SGPP2: variants seen among roughly 807,000 people sequenced by gnomAD.
SGPP2 encodes sphingosine-1-phosphate phosphatase 2.
In SGPP2, 30 loss-of-function variants were observed where a neutral mutation model predicts 33.9. The observed-to-expected ratio is 0.89, with a 90% CI of 0.66 to 1.20. SGPP2 has a LOEUF of 1.20. Among genes scored for constraint, SGPP2 ranks in the 50% most tolerant of loss-of-function variants. The probability of loss-of-function intolerance (pLI) is 0.00; values close to 1 mark genes in which losing one functional copy is unlikely to be tolerated. For synonymous variants in SGPP2, 233 were observed against 225.0 expected, an observed-to-expected ratio of 1.04 and a Z score of -0.32; for missense variants, 458 against 532.1, an observed-to-expected ratio of 0.86 and a Z score of 1.37.
At chr2:222,501,556 G>T (rs1464263501) in intron 2 of SGPP2, among the ~76,000 whole-genome samples, 2 of 152,172 alleles carry the variant, frequency 1.3e-5, no homozygotes, top group African/African-American at 4.8e-5. Context: ...CGATGTTAAT[G>T]ATGTTGAGCC....
intron 2 of SGPP2, among the ~76,000 whole-genome samples, chr2:222,492,175 TCTC>T (rs1698207435): frequency 6.6e-6 from 1 of 152,132 alleles, no homozygotes; most frequent in Non-Finnish European, 1.5e-5. Context: ...GTAGCCCTCT[TCTC>T]CTAAACTCAC....
At position 222,452,342 on chromosome 2, in the gene SGPP2, G is replaced by C. The variant is rs1697504141; in HGVS notation, c.220-22226G>C. On this transcript the variant is annotated intron_variant, in intron 1 of 4. Coordinates refer to ENST00000321276, the MANE Select transcript of SGPP2 (RefSeq NM_152386.4). The stretch of plus-strand genomic sequence containing the variant: ...TCCTATGAGGGAGGGGAGGAGGGGA[G>C]AGGAAGGATTCAGCCAGTGCCCAGA... 5 of 685,414 alleles carry C rather than the reference G, an allele frequency of 7.3e-6. No individual in the cohort carries two copies. The South Asian group carries it at 7.3e-5, about 10-fold the overall frequency. 42.5% of individuals were successfully genotyped at this position (685,414 alleles called of 1,614,324 possible).
At chr2:222,538,951 A>G (rs1369942176) in intron 4 of SGPP2, among the ~76,000 whole-genome samples, 2 of 152,224 alleles carry the variant, frequency 1.3e-5, no homozygotes, top group Non-Finnish European at 2.9e-5. Flanking sequence ...GCAGAAACAC[A>G]GATCCAAATC....
At chr2:222,523,167 T>G (rs1295085650) in intron 3 of SGPP2, among the ~76,000 whole-genome samples, 2 of 152,228 alleles carry the variant, frequency 1.3e-5, no homozygotes, top group Non-Finnish European at 2.9e-5. Flanking sequence ...CCTCTACCAC[T>G]GTAGCCTTCT....
chr2:222,491,357 A>G (rs1282589554), intron 2 of SGPP2, among the ~76,000 whole-genome samples: 1 of 152,188 alleles, frequency 6.6e-6, no homozygotes, highest in African/African-American at 2.4e-5. Context: ...TAAAGATACT[A>G]CCTGAGGCTG....
At position 222,465,897 on chromosome 2, in the gene SGPP2, C is replaced by T. The variant is rs1161553390; in HGVS notation, c.220-8671C>T. Among the ~76,000 whole-genome samples, 2 of 152,204 alleles carry T rather than the reference C, an allele frequency of 1.3e-5. No individual in the cohort carries two copies. The highest frequency in any genetic ancestry group is 2.4e-5 in the African/African-American group (1 of 41,466). On this transcript the variant is annotated intron_variant, in intron 1 of 4. Transcript: ENST00000321276. This position sits in a 1 kb window ranked among gnomAD's most constrained non-coding sequence, Gnocchi z 4.1. ...GCAACACCTCTCCTTATCCAGGGCT[C>T]AGCTCAAATGGCTCCTCTGTGGCAA...
At chr2:222,467,820 C>G (rs1697768906) in intron 1 of SGPP2, among the ~76,000 whole-genome samples, 1 of 151,440 alleles carries the variant, frequency 6.6e-6, no homozygotes, top group South Asian at 2.1e-4. Flanking sequence ...TCTGCTGTTT[C>G]CAATTAAACT....
rs1166766707 is a variant in SGPP2, at chr2:222,560,074, C to A, written c.*1176C>A. ...CATCTGGGATTCACTGAGATTCCTG[C>A]CCTCTCCTGCTTCCTAGTGGTTTGG... is the stretch of plus-strand genomic sequence containing the variant. On this transcript the variant is annotated 3_prime_UTR_variant, in exon 5 of 5. Coordinates refer to ENST00000321276, the MANE Select transcript of SGPP2 (RefSeq NM_152386.4). 2.6e-5 allele frequency: 4 copies of A among 152,300 alleles called. No homozygotes were observed. Among genetic ancestry groups the A allele is most frequent in the Admixed American group, 2.0e-4 (3 of 15,280 alleles). 9.4% of individuals were successfully genotyped at this position (152,300 alleles called of 1,614,324 possible).
chr2:222,426,818 ATT>A (rs1040888281), intron 1 of SGPP2, among the ~76,000 whole-genome samples: 1 of 151,928 alleles, frequency 6.6e-6, no homozygotes, highest in Non-Finnish European at 1.5e-5. Flanking sequence ...CCCCTCAAAA[ATT>A]ATCTCTTATC....
chr2:222,436,451 G>A (rs1024337235), intron 1 of SGPP2, among the ~76,000 whole-genome samples: 1 of 152,080 alleles, frequency 6.6e-6, no homozygotes, highest in Non-Finnish European at 1.5e-5. Flanking sequence ...GGAGAACTTT[G>A]CCCCAGCCCT....
intron 2 of SGPP2, among the ~76,000 whole-genome samples, chr2:222,514,018 G>A (rs1472576709): frequency 2.0e-5 from 3 of 152,108 alleles, no homozygotes; most frequent in Admixed American, 2.0e-4. Context: ...AGCACCTCCT[G>A]TTATATTCTA....
intron 1 of SGPP2, among the ~76,000 whole-genome samples, chr2:222,442,009 C>T (rs1559144517): frequency 6.6e-6 from 1 of 152,166 alleles, no homozygotes; most frequent in Non-Finnish European, 1.5e-5. Context: ...CTGTTCTGTC[C>T]AAGCAACCAC....
At position 222,512,564 on chromosome 2, in the gene SGPP2, C is replaced by T. The variant is rs112335512; in HGVS notation, c.379-9203C>T. Among the ~76,000 whole-genome samples, 1,416 of 152,224 alleles carry T rather than the reference C, an allele frequency of 9.3e-3. 14 individuals carry two copies. Among genetic ancestry groups the T allele is most frequent in the African/African-American group, 0.033 (1,354 of 41,528 alleles). On this transcript the variant is annotated intron_variant, in intron 2 of 4. Transcript: ENST00000321276. ...ATGGGTTTTGACAAATGTAGAATGA[C>T]GTGTCTATCCTTATAGTGTCATACA...
intron 2 of SGPP2, among the ~76,000 whole-genome samples, chr2:222,478,903 C>T (rs1379822580): frequency 2.0e-5 from 3 of 152,084 alleles, no homozygotes; most frequent in African/African-American, 4.8e-5. Flanking sequence ...ATTTGAGCTT[C>T]ATAACAATGG....
chr2:222,536,634 C>T (rs1160905936), intron 4 of SGPP2, among the ~76,000 whole-genome samples: 5 of 152,030 alleles, frequency 3.3e-5, no homozygotes, highest in East Asian at 3.9e-4. Flanking sequence ...GAGCTGAGAT[C>T]GCGCCACTGC....
In SGPP2 at chr2:222,424,828, A is replaced by C. The variant is rs1266648658; in HGVS notation, c.219+7A>C. On this transcript the variant is annotated splice_region_variant and intron_variant, in intron 1 of 4. Transcript: ENST00000321276. The stretch of plus-strand genomic sequence containing the variant: ...CAGAGCCGCGGCGCCGGAGGTAACC[A>C]TGGGCAGGTGTTCGCCGGGTACGGG... 1 of 1,351,800 alleles carries C rather than the reference A, an allele frequency of 7.4e-7. No individual in the cohort carries two copies. The highest frequency in any genetic ancestry group is 3.6e-5 in the Admixed American group (1 of 28,022). The allele number at this position is 1,351,800 out of a possible 1,614,324, so 83.7% of individuals were successfully genotyped here. A position where few individuals can be genotyped will look rare whatever the true frequency, so the allele number is the denominator to read the frequency against.
intron 4 of SGPP2, among the ~76,000 whole-genome samples, chr2:222,542,283 A>C (rs763133404): frequency 3.9e-5 from 6 of 152,202 alleles, no homozygotes; most frequent in Non-Finnish European, 8.8e-5. Context: ...CATCTAACTC[A>C]TGACCATATA....
At chr2:222,455,399 A>T (rs530343269) in intron 1 of SGPP2, among the ~76,000 whole-genome samples, 6 of 152,224 alleles carry the variant, frequency 3.9e-5, no homozygotes. Flanking sequence ...TGTGCTTAGG[A>T]CAAAGCTCAG....
intron 1 of SGPP2, among the ~76,000 whole-genome samples, chr2:222,440,161 C>T (rs1697302739): frequency 6.6e-6 from 1 of 152,202 alleles, no homozygotes; most frequent in South Asian, 2.1e-4. Context: ...AAGGTGGCTT[C>T]TGAGCCTGCT....
Sources: gnomAD v4.1 joint callset for allele counts (sites outside exome capture counted in the v4.1 genomes callset) on GRCh38, gnomAD v4.1.1 for gene constraint, Gnocchi (gnomAD v3.1) non-coding constraint, MANE v1.5 for transcripts, NCBI Gene and HGNC (gene_info 2026-07-23, HGNC 2026-07-21) for gene names.